Variants in MAF observed in about 807,000 individuals in gnomAD.
MAF encodes transcription factor Maf.
A neutral mutation model predicts 22.0 loss-of-function variants in MAF; 10 were observed. The ratio of observed to expected loss-of-function variants is 0.45; its 90% CI spans 0.28 to 0.77. The LOEUF (loss-of-function observed/expected upper bound fraction) is 0.77, where lower values mean the gene tolerates loss of function less well. Ranked by LOEUF, MAF falls within the 30% of genes least tolerant of loss-of-function variation. The probability of loss-of-function intolerance (pLI) is 0.12; values close to 1 mark genes in which losing one functional copy is unlikely to be tolerated. For missense variants in MAF, 544 were observed against 548.4 expected (o/e 0.99, Z 0.08); for synonymous variants, 337 against 255.8 (o/e 1.32, Z -3.03).
the MAF span, among the ~76,000 whole-genome samples, chr16:79,218,493 C>T: frequency 6.6e-6 from 1 of 152,226 alleles, no homozygotes; most frequent in Non-Finnish European, 1.5e-5. Flanking sequence ...ACAGCTCCTA[C>T]TGGCCTTTGC....
chr16:79,213,219 C>T, the MAF span, among the ~76,000 whole-genome samples: 1 of 152,096 alleles, frequency 6.6e-6, no homozygotes, highest in Non-Finnish European at 1.5e-5. Context: ...GTCATTGTTC[C>T]CCCTCCTGAT....
chr16:79,234,310 G>A, the MAF span, among the ~76,000 whole-genome samples: 8 of 152,124 alleles, frequency 5.3e-5, no homozygotes, highest in East Asian at 1.5e-3. Flanking sequence ...AGACCCCAGA[G>A]ATGTCTGGAA....
the MAF span, among the ~76,000 whole-genome samples, chr16:79,225,020 T>G: frequency 6.6e-6 from 1 of 152,070 alleles, no homozygotes; most frequent in Non-Finnish European, 1.5e-5. Context: ...TACCTTAAAT[T>G]TCATATGGAA....
the MAF span, among the ~76,000 whole-genome samples, chr16:79,578,165 T>C: frequency 6.6e-6 from 1 of 152,230 alleles, no homozygotes; most frequent in African/African-American, 2.4e-5. Flanking sequence ...AAACCAGCAT[T>C]TATAAATTTA....
At chr16:79,594,728 AT>A in intron 1 of MAF, 175 bp from the exon 2 acceptor site, 1 of 1,417,714 alleles carries the variant, frequency 7.1e-7, no homozygotes, top group South Asian at 1.5e-5. Context: ...AAAAACATGT[AT>A]TTGTTTGCTA....
chr16:79,356,684 C>T, the MAF span, among the ~76,000 whole-genome samples: 1 of 152,166 alleles, frequency 6.6e-6, no homozygotes, highest in Non-Finnish European at 1.5e-5. Flanking sequence ...CCCCACTTTC[C>T]ACTGGCTCTC....
chr16:79,219,548 C>CAAAA, the MAF span, among the ~76,000 whole-genome samples: 9 of 64,730 alleles, frequency 1.4e-4, no homozygotes, highest in South Asian at 8.7e-4. Flanking sequence ...GACTCTGCCT[C>CAAAA]AAAAAAAAAA....
intron 1 of MAF, chr16:79,596,575 T>G: frequency 9.5e-7 from 1 of 1,047,708 alleles, no homozygotes; most frequent in Non-Finnish European, 1.2e-6. Flanking sequence ...ACACGCGTGG[T>G]TAGTTAGTAA....
At chr16:79,510,711 C>T in the MAF span, among the ~76,000 whole-genome samples, 67 of 152,290 alleles carry the variant, frequency 4.4e-4, 2 homozygotes, top group East Asian at 0.011. Context: ...ACATACACAT[C>T]GAATGCTCTG....
chr16:79,514,181 T>G, the MAF span, among the ~76,000 whole-genome samples: 1 of 152,190 alleles, frequency 6.6e-6, no homozygotes, highest in Non-Finnish European at 1.5e-5. Flanking sequence ...TCTTCCGGCT[T>G]GTTGGAGAAA....
chr16:79,440,523 C>G, the MAF span, among the ~76,000 whole-genome samples: 1 of 152,168 alleles, frequency 6.6e-6, no homozygotes, highest in Non-Finnish European at 1.5e-5. Context: ...ACAACCTCTG[C>G]CTCCCAGGTT....
the MAF span, among the ~76,000 whole-genome samples, chr16:79,326,176 A>G: frequency 6.6e-6 from 1 of 152,192 alleles, no homozygotes; most frequent in Admixed American, 6.5e-5. Context: ...GATTTTCTTG[A>G]TGATATTATG....
At chr16:79,495,641 C>T in the MAF span, among the ~76,000 whole-genome samples, 1 of 152,108 alleles carries the variant, frequency 6.6e-6, no homozygotes, top group Non-Finnish European at 1.5e-5. Flanking sequence ...TATTATTCTG[C>T]CTGCCGCGAC....
At chr16:79,272,789 G>A in the MAF span, among the ~76,000 whole-genome samples, 1 of 151,978 alleles carries the variant, frequency 6.6e-6, no homozygotes, top group Non-Finnish European at 1.5e-5. Flanking sequence ...GTAACGAGAG[G>A]AGCACCCGAT....
the MAF span, among the ~76,000 whole-genome samples, chr16:79,494,861 G>C: frequency 6.6e-6 from 1 of 152,184 alleles, no homozygotes. Flanking sequence ...GGGTTCCCAA[G>C]ACTCCCTCCT....
chr16:79,224,901 T>C, the MAF span, among the ~76,000 whole-genome samples: 13 of 152,102 alleles, frequency 8.5e-5, no homozygotes, highest in Admixed American at 7.9e-4. Flanking sequence ...TGCTCATGGG[T>C]AGGAAGAATC....
chr16:79,578,307 C>G, the MAF span, among the ~76,000 whole-genome samples: 1 of 151,422 alleles, frequency 6.6e-6, no homozygotes, highest in Non-Finnish European at 1.5e-5. Context: ...AGATTTATAC[C>G]AGGGACCCAT....
the MAF span, among the ~76,000 whole-genome samples, chr16:79,417,630 A>G: frequency 4.6e-5 from 7 of 152,086 alleles, no homozygotes; most frequent in Admixed American, 3.3e-4. Context: ...CCCCAGCCCT[A>G]CCGAGCCTGC....
At chr16:79,572,428 G>C in the MAF span, among the ~76,000 whole-genome samples, 71 of 152,270 alleles carry the variant, frequency 4.7e-4, no homozygotes, top group African/African-American at 1.7e-3. Flanking sequence ...CTAGAACAGA[G>C]GAACCGCTGC....
Sources: allele counts gnomAD v4.1 joint callset (sites outside exome capture counted in the v4.1 genomes callset), GRCh38; gene constraint gnomAD v4.1.1; transcripts MANE v1.5; gene names NCBI Gene and HGNC (gene_info 2026-07-23, HGNC 2026-07-21).